The following CNTN4 variants were observed in gnomAD, a reference collection of about 807,000 sequenced individuals.
The protein encoded by CNTN4 is contactin-4.
CNTN4 carries 77 observed loss-of-function variants against 122.5 expected under a neutral mutation model. That is an observed-to-expected ratio of 0.63 (90% confidence interval 0.52 to 0.76). CNTN4 has a LOEUF of 0.76. Among genes scored for constraint, CNTN4 ranks in the 30% least tolerant of loss-of-function variants. CNTN4 has a pLI of 0.00. For missense variants in CNTN4, 1,256 were observed against 1,259.1 expected, an observed-to-expected ratio of 1.00 and a Z score of 0.04; for synonymous variants, 512 against 447.0, an observed-to-expected ratio of 1.15 and a Z score of -1.83.
chr3:2,557,268 T>C (rs1460548884), intron 3 of CNTN4, among the ~76,000 whole-genome samples: 1 of 152,194 alleles, frequency 6.6e-6, no homozygotes, highest in African/African-American at 2.4e-5. Context: ...AAAGCAAAAA[T>C]GCAGTGTTAA....
intron 2 of CNTN4, among the ~76,000 whole-genome samples, chr3:2,200,781 C>T (rs1315685473): frequency 6.6e-6 from 1 of 152,070 alleles, no homozygotes; most frequent in African/African-American, 2.4e-5. Context: ...TCTCCTGGTC[C>T]TGAATGAATG....
intron 2 of CNTN4, among the ~76,000 whole-genome samples, chr3:2,335,144 G>A (rs957627159): frequency 6.6e-6 from 1 of 152,104 alleles, no homozygotes; most frequent in African/African-American, 2.4e-5. Flanking sequence ...ATCTTTCTGG[G>A]CAGAGGGAGA....
At chr3:2,158,224 C>T (rs533658062) in intron 2 of CNTN4, among the ~76,000 whole-genome samples, 2 of 152,104 alleles carry the variant, frequency 1.3e-5, no homozygotes, top group African/African-American at 4.8e-5. Context: ...AAATGACTTA[C>T]AAAGGGCGAA....
At chr3:2,686,215 T>A (rs1054643505) in intron 4 of CNTN4, among the ~76,000 whole-genome samples, 2 of 152,148 alleles carry the variant, frequency 1.3e-5, no homozygotes, top group African/African-American at 4.8e-5. Context: ...GCAACATGCA[T>A]GATGCATGCA....
chr3:2,532,780 A>T (rs950336728), intron 3 of CNTN4, among the ~76,000 whole-genome samples: 1 of 152,170 alleles, frequency 6.6e-6, no homozygotes, highest in Non-Finnish European at 1.5e-5. Flanking sequence ...TCATACAGTA[A>T]TAAGATTATA....
Position 2,925,672 on chromosome 3 carries a change from T to A in CNTN4, c.1251T>A (p.Thr417=). 1 of 1,614,096 alleles carries A rather than the reference T, an allele frequency of 6.2e-7. No individual in the cohort carries two copies. Among genetic ancestry groups the A allele is most frequent in the Non-Finnish European group, 8.5e-7 (1 of 1,179,946 alleles). ...CAAGAACACTCTTGAAAAGAGTAAC[T>A]CTTGTCAAAGTGGGAGGTGAAGTTG... is the stretch of plus-strand genomic sequence containing the variant. ...DFSRTLLKRV[T]LVKVGGEVVI... The change falls in exon 13 of 25, where the codon ACT becomes ACA. Residue 417 remains threonine, a synonymous_variant. Coordinates refer to ENST00000418658, the MANE Select transcript of CNTN4 (RefSeq NM_175607.3).
intron 23 of CNTN4, 105 bp downstream of exon 23, chr3:3,043,809 C>T: frequency 1.3e-6 from 1 of 768,610 alleles, no homozygotes; most frequent in Admixed American, 2.0e-5. Flanking sequence ...CCTGGTGATG[C>T]TCTCCTACCC....
At chr3:2,323,474 T>C (rs1312625781) in intron 2 of CNTN4, among the ~76,000 whole-genome samples, 1 of 152,186 alleles carries the variant, frequency 6.6e-6, no homozygotes, top group Non-Finnish European at 1.5e-5. Flanking sequence ...TTTACAGACT[T>C]TTAGAAGTAT....
chr3:2,911,700 C>T (rs541343571), intron 12 of CNTN4, among the ~76,000 whole-genome samples: 2 of 146,922 alleles, frequency 1.4e-5, no homozygotes, highest in East Asian at 4.2e-4. Flanking sequence ...GTAAATGATG[C>T]ATGAACAAAA....
intron 9 of CNTN4, among the ~76,000 whole-genome samples, chr3:2,883,752 G>A (rs1323303860): frequency 2.0e-5 from 3 of 152,178 alleles, no homozygotes; most frequent in South Asian, 2.1e-4. Context: ...TTCTCTAAGA[G>A]AGTCTGTTTT....
intron 3 of CNTN4, among the ~76,000 whole-genome samples, chr3:2,411,289 A>G (rs2047218051): frequency 1.3e-5 from 2 of 152,216 alleles, no homozygotes; most frequent in African/African-American, 4.8e-5. Context: ...TTACTTATGT[A>G]ACAAACCTGC....
At chr3:2,705,663 AT>A (rs1351584884) in intron 4 of CNTN4, among the ~76,000 whole-genome samples, 3 of 92,748 alleles carry the variant, frequency 3.2e-5, no homozygotes, top group Non-Finnish European at 5.5e-5. Flanking sequence ...TATATTATAT[AT>A]ATTTATATAT....
At chr3:2,671,574 C>T (rs535600717) in intron 4 of CNTN4, among the ~76,000 whole-genome samples, 1 of 152,218 alleles carries the variant, frequency 6.6e-6, no homozygotes, top group East Asian at 1.9e-4. Flanking sequence ...TCATCTGAAG[C>T]CTTCTTCTCT....
intron 3 of CNTN4, among the ~76,000 whole-genome samples, chr3:2,521,840 T>C (rs1052088357): frequency 6.6e-6 from 1 of 152,110 alleles, no homozygotes; most frequent in Non-Finnish European, 1.5e-5. Context: ...TTTTTTCTAC[T>C]ATCAGAGGGC....
chr3:2,810,426 C>A (rs1319144113), intron 6 of CNTN4, among the ~76,000 whole-genome samples: 5 of 151,916 alleles, frequency 3.3e-5, no homozygotes, highest in Non-Finnish European at 7.4e-5. Context: ...TTCCTGGAAA[C>A]AAAGAGTGAT....
chr3:2,510,788 C>T (rs896518879), intron 3 of CNTN4, among the ~76,000 whole-genome samples: 1 of 152,146 alleles, frequency 6.6e-6, no homozygotes, highest in Admixed American at 6.5e-5. Context: ...AGCATGTCCA[C>T]AGGCTACTGG....
intron 2 of CNTN4, among the ~76,000 whole-genome samples, chr3:2,196,792 C>T (rs1354568998): frequency 1.3e-5 from 2 of 151,692 alleles, no homozygotes; most frequent in African/African-American, 4.8e-5. Flanking sequence ...CTCCTGTAAT[C>T]CCAGCACTTT....
intron 6 of CNTN4, among the ~76,000 whole-genome samples, chr3:2,772,438 A>G (rs927167763): frequency 3.9e-5 from 6 of 152,010 alleles, no homozygotes; most frequent in Non-Finnish European, 8.8e-5. Flanking sequence ...AAGAAAGAAA[A>G]AAAAGATCAT....
chr3:2,806,622 T>C (rs2092474119), intron 6 of CNTN4, among the ~76,000 whole-genome samples: 2 of 152,202 alleles, frequency 1.3e-5, no homozygotes, highest in South Asian at 4.1e-4. Flanking sequence ...AGCTTAGAAG[T>C]TTTGTTTTGC....
Sources: allele counts gnomAD v4.1 joint callset (sites outside exome capture counted in the v4.1 genomes callset), GRCh38; gene constraint gnomAD v4.1.1; transcripts MANE v1.5; gene names NCBI Gene and HGNC (gene_info 2026-07-23, HGNC 2026-07-21).